Variants in MICU3 observed in about 807,000 individuals in gnomAD.
MICU3 encodes the protein calcium uptake protein 3, mitochondrial.
A neutral mutation model predicts 66.5 loss-of-function variants in MICU3; 62 were observed. The observed-to-expected ratio is 0.93, with a 90% CI of 0.76 to 1.15. MICU3 has a LOEUF of 1.15. Among genes scored for constraint, MICU3 ranks in the 50% most tolerant of loss-of-function variants. The pLI, the probability that MICU3 is intolerant of heterozygous loss-of-function variation, is 0.00. For synonymous variants in MICU3, 308 were observed against 240.7 expected, an observed-to-expected ratio of 1.28 and a Z score of -2.59; for missense variants, 779 against 664.4, an observed-to-expected ratio of 1.17 and a Z score of -1.90.
At position 17,090,820 on chromosome 8, in the gene MICU3, G is replaced by T. The variant is rs367779152; in HGVS notation, c.888+236G>T. On this transcript the variant is annotated intron_variant, in intron 8 of 14. Transcript: ENST00000318063. ...TAACTTTAGATTAAAATAAGGAAAA[G>T]GTAAGTGTACAACAATTAAAACATA... 4.1e-5 allele frequency: 14 copies of T among 344,132 alleles called. 1 individual carries two copies. The South Asian group carries it at 8.8e-4, about 22-fold the overall frequency. The allele number at this position is 344,132 out of a possible 1,614,324, so 21.3% of individuals were successfully genotyped here. A position where few individuals can be genotyped will look rare whatever the true frequency, so the allele number is the denominator to read the frequency against.
At chr8:17,043,080 C>A (rs970323186) in intron 1 of MICU3, among the ~76,000 whole-genome samples, 1 of 151,266 alleles carries the variant, frequency 6.6e-6, no homozygotes, top group Non-Finnish European at 1.5e-5. Context: ...GCTGGGACTA[C>A]AGGCGCCCAC....
intron 12 of MICU3, 143 bp from the exon 13 acceptor site, chr8:17,116,300 G>C (rs1585572013): frequency 6.1e-6 from 3 of 495,346 alleles, no homozygotes; most frequent in East Asian, 7.0e-5. Flanking sequence ...TTACCTAAAA[G>C]ACAGCAGGAT....
rs547385183 is a variant in MICU3 at position 17,076,224 on chromosome 8, G to C, written c.568-1559G>C. On this transcript the variant is annotated intron_variant, in intron 3 of 14. Coordinates refer to ENST00000318063, the MANE Select transcript of MICU3 (RefSeq NM_181723.3). ...TTGTCTGTTTGTTTGTTTGTGAAATGGGGTTTTGCCATGTTGCCCAGGCTG... is the reference window on the plus strand; with the variant it reads ...TTGTCTGTTTGTTTGTTTGTGAAATCGGGTTTTGCCATGTTGCCCAGGCTG... 1.6e-4 allele frequency among the ~76,000 whole-genome samples: 24 copies of C among 151,992 alleles called. No individual in the cohort carries two copies. The South Asian group carries it at 5.0e-3, about 32-fold the overall frequency.
Position 17,116,536 on chromosome 8 carries a change from A to G in MICU3, c.1460A>G (p.Asp487Gly), listed in dbSNP as rs1162113390. 1 of 1,567,992 alleles carries G rather than the reference A, an allele frequency of 6.4e-7. No individual in the cohort carries two copies. The highest frequency in any genetic ancestry group is 8.6e-7 in the Non-Finnish European group (1 of 1,164,562). ...TTCAAGATTTTTGATGTTGACAAAG[A>G]TGATCAATTAAGTTATAAAGAATTT... ...TVFKIFDVDK[D>G]DQLSYKEFIG... Residue 487 changes from aspartate to glycine, a missense_variant, in exon 13 of 15, where the codon GAT (aspartate) becomes GGT (glycine). Physicochemically the swap from Asp to Gly is moderately conservative, Grantham distance 94 (BLOSUM62 -1). Transcript: ENST00000318063.
At chr8:17,127,656 A>G in the MICU3 span, among the ~76,000 whole-genome samples, 1 of 152,252 alleles carries the variant, frequency 6.6e-6, no homozygotes, top group African/African-American at 2.4e-5. Flanking sequence ...AAATTGCCAC[A>G]TAAAGATGTA....
chr8:17,111,115 C>A (rs1802170598), intron 11 of MICU3, among the ~76,000 whole-genome samples: 1 of 151,950 alleles, frequency 6.6e-6, no homozygotes, highest in South Asian at 2.1e-4. Context: ...TATTCAGCAT[C>A]TTTTTATATG....
chr8:17,041,569 A>G lies in MICU3; in HGVS notation c.381+13909A>G, dbSNP rs570703407. 3.3e-5 allele frequency among the ~76,000 whole-genome samples: 5 copies of G among 152,272 alleles called. No individual in the cohort carries two copies. The East Asian group carries it at 9.6e-4, about 29-fold the overall frequency. On this transcript the variant is annotated intron_variant, in intron 1 of 14. Coordinates refer to ENST00000318063, the MANE Select transcript of MICU3 (RefSeq NM_181723.3). The stretch of plus-strand genomic sequence containing the variant: ...TTTGTCTCTGAAGAAGAGAGAGGAT[A>G]GTAGCCTGAGGGACATGGAATTGAT...
chr8:17,128,969 C>T, the MICU3 span, among the ~76,000 whole-genome samples: 1 of 152,156 alleles, frequency 6.6e-6, no homozygotes, highest in Non-Finnish European at 1.5e-5. Flanking sequence ...AGAAAACAGT[C>T]ACTGGAGGTC....
At chr8:17,094,300 G>A (rs943298516) in intron 8 of MICU3, among the ~76,000 whole-genome samples, 22 of 151,872 alleles carry the variant, frequency 1.4e-4, no homozygotes, top group African/African-American at 4.8e-4. Flanking sequence ...TTACATTGTC[G>A]AAAGTTATTG....
chr8:17,070,814 C>A (rs1819470810), intron 3 of MICU3, among the ~76,000 whole-genome samples: 2 of 151,986 alleles, frequency 1.3e-5, no homozygotes, highest in South Asian at 4.2e-4. Context: ...TGCTCTAAGA[C>A]CCCTGGTAAT....
intron 9 of MICU3, among the ~76,000 whole-genome samples, chr8:17,100,380 T>C (rs893029679): frequency 2.0e-5 from 3 of 151,748 alleles, no homozygotes; most frequent in Non-Finnish European, 2.9e-5. Flanking sequence ...AGAAAACTTA[T>C]ATCGTGTTCC....
At chr8:17,097,968 GT>G (rs903574488) in intron 8 of MICU3, among the ~76,000 whole-genome samples, 1 of 151,662 alleles carries the variant, frequency 6.6e-6, no homozygotes, top group African/African-American at 2.4e-5. Context: ...TTTTTGACAA[GT>G]TTGGGATGAA....
intron 1 of MICU3, among the ~76,000 whole-genome samples, chr8:17,033,595 C>A (rs1195594225): frequency 6.6e-6 from 1 of 152,066 alleles, no homozygotes; most frequent in African/African-American, 2.4e-5. Context: ...CACCACCACA[C>A]CCAGCTAATT....
chr8:17,138,574 G>A, the MICU3 span, among the ~76,000 whole-genome samples: 1 of 152,018 alleles, frequency 6.6e-6, no homozygotes, highest in African/African-American at 2.4e-5. Flanking sequence ...CTCACTTTTC[G>A]GTAATATACG....
intron 11 of MICU3, among the ~76,000 whole-genome samples, chr8:17,106,018 G>C (rs949166111): frequency 6.6e-6 from 1 of 152,040 alleles, no homozygotes; most frequent in African/African-American, 2.4e-5. Flanking sequence ...CTTATCATCA[G>C]CTGAAGTGAA....
chr8:17,036,352 G>A (rs1812986666), intron 1 of MICU3, among the ~76,000 whole-genome samples: 1 of 152,092 alleles, frequency 6.6e-6, no homozygotes, highest in South Asian at 2.1e-4. Flanking sequence ...AAGATTTATT[G>A]CAAAGAGCGA....
chr8:17,092,698 A>G (rs1225084560), intron 8 of MICU3, among the ~76,000 whole-genome samples: 1 of 152,074 alleles, frequency 6.6e-6, no homozygotes, highest in Non-Finnish European at 1.5e-5. Flanking sequence ...CATAAACTAC[A>G]AGCAAACAAG....
intron 7 of MICU3, 45 bp downstream of exon 7, chr8:17,087,080 A>T: frequency 8.4e-7 from 1 of 1,195,812 alleles, no homozygotes; most frequent in African/African-American, 1.5e-5. Flanking sequence ...TGTAGGCAAC[A>T]ATTATTTTAT....
chr8:17,036,494 G>A (rs941423023), intron 1 of MICU3, among the ~76,000 whole-genome samples: 2 of 152,022 alleles, frequency 1.3e-5, no homozygotes, highest in Non-Finnish European at 2.9e-5. Flanking sequence ...GGCCTGTTTT[G>A]TCAGGGTGCT....
Sources: gnomAD v4.1 joint callset for allele counts (sites outside exome capture counted in the v4.1 genomes callset) on GRCh38, gnomAD v4.1.1 for gene constraint, MANE v1.5 for transcripts, NCBI Gene and HGNC (gene_info 2026-07-23, HGNC 2026-07-21) for gene names.